Variants in PYGO1 observed in about 807,000 individuals in gnomAD.
PYGO1 encodes pygopus family PHD finger 1.
PYGO1 carries 6 observed loss-of-function variants against 29.5 expected under a neutral mutation model. The ratio of observed to expected loss-of-function variants is 0.20; its 90% CI spans 0.11 to 0.40. The LOEUF is 0.40. Ranked by LOEUF, PYGO1 falls within the 10% of genes least tolerant of loss-of-function variation. The pLI, the probability that PYGO1 is intolerant of heterozygous loss-of-function variation, is 1.00. For synonymous variants in PYGO1, 186 were observed against 180.5 expected (o/e 1.03, Z -0.24); for missense variants, 515 against 514.9 (o/e 1.00, Z 0.00).
rs2058831849 is a variant in PYGO1 at position 55,542,472 on chromosome 15, G to A, written c.*3551C>T. 2 of 152,170 alleles carry A rather than the reference G, an allele frequency of 1.3e-5. No individual in the cohort carries two copies. Among genetic ancestry groups the A allele is most frequent in the Admixed American group, 1.3e-4 (2 of 15,278 alleles). The allele number at this position is 152,170 out of a possible 1,614,324, so 9.4% of individuals were successfully genotyped here. A position where few individuals can be genotyped will look rare whatever the true frequency, so the allele number is the denominator to read the frequency against. ...GTATTTCACACAAAAGGAAAACACT[G>A]ATCACAAATCTAATTCTAAGCACTC... On this transcript the variant is annotated 3_prime_UTR_variant, in exon 3 of 3. Coordinates refer to ENST00000563719, the MANE Select transcript of PYGO1 (RefSeq NM_001367806.1).
At chr15:55,548,044 G>T (rs1487669315) in intron 2 of PYGO1, among the ~76,000 whole-genome samples, 1 of 151,844 alleles carries the variant, frequency 6.6e-6, no homozygotes, top group Non-Finnish European at 1.5e-5. Context: ...TTTTGAGACA[G>T]AGTCTCACGC....
At chr15:55,549,490 C>T (rs974742556) in intron 1 of PYGO1, among the ~76,000 whole-genome samples, 17 of 152,118 alleles carry the variant, frequency 1.1e-4, no homozygotes, top group African/African-American at 3.9e-4. Flanking sequence ...TACAGTGTGA[C>T]TACACCATGA....
At chr15:55,574,168 T>G (rs564461702) in intron 1 of PYGO1, among the ~76,000 whole-genome samples, 1 of 152,328 alleles carries the variant, frequency 6.6e-6, no homozygotes, top group South Asian at 2.1e-4. Flanking sequence ...AAGATACTAT[T>G]TTTTACTGTG....
At chr15:55,575,304 A>G (rs1179604422) in intron 1 of PYGO1, among the ~76,000 whole-genome samples, 1 of 152,206 alleles carries the variant, frequency 6.6e-6, no homozygotes, top group African/African-American at 2.4e-5. Flanking sequence ...AATCCCCCTC[A>G]GGTAATACAG....
intron 1 of PYGO1, among the ~76,000 whole-genome samples, chr15:55,580,669 T>C (rs2059021432): frequency 6.6e-6 from 1 of 152,200 alleles, no homozygotes; most frequent in Admixed American, 6.5e-5. Context: ...ATAAAAACCT[T>C]GGCAGTCAGG....
chr15:55,549,093 T>C (rs1164491390), intron 1 of PYGO1, 98 bp from the exon 2 acceptor site: 27 of 918,480 alleles, frequency 2.9e-5, no homozygotes, highest in Non-Finnish European at 3.8e-5. Context: ...TAATGTTTTC[T>C]ATTTTCGTTA....
At chr15:55,580,135 C>G (rs530969161) in intron 1 of PYGO1, among the ~76,000 whole-genome samples, 3 of 152,186 alleles carry the variant, frequency 2.0e-5, no homozygotes, top group African/African-American at 7.2e-5. Context: ...CTTTCATGAA[C>G]GAAGTCAGGC....
rs1412946465 is a variant in PYGO1, at chr15:55,542,338, T to C, written c.*3685A>G. Reference sequence around the variant, plus strand: ...AGTCTAAAACAAACCACCAAAAAAGTAGATTTCTTTACACTGTGTTTATGA... The same window carrying C: ...AGTCTAAAACAAACCACCAAAAAAGCAGATTTCTTTACACTGTGTTTATGA... On this transcript the variant is annotated 3_prime_UTR_variant, in exon 3 of 3. Transcript: ENST00000563719. The C allele has an allele frequency of 6.6e-6, 1 of 152,204 alleles. No individual in the cohort carries two copies. Among genetic ancestry groups the C allele is most frequent in the Non-Finnish European group, 1.5e-5 (1 of 68,016 alleles). 9.4% of individuals were successfully genotyped at this position (152,204 alleles called of 1,614,324 possible). A position where few individuals can be genotyped will look rare whatever the true frequency, so the allele number is the denominator to read the frequency against.
rs1402192129 is a variant in PYGO1 at position 55,544,063 on chromosome 15, T to C, written c.*1960A>G. 6.6e-6 allele frequency: 1 copy of C among 152,170 alleles called. No homozygotes were observed. The highest frequency in any genetic ancestry group is 1.9e-4 in the East Asian group (1 of 5,188). The allele number at this position is 152,170 out of a possible 1,614,324, so 9.4% of individuals were successfully genotyped here. A position where few individuals can be genotyped will look rare whatever the true frequency, so the allele number is the denominator to read the frequency against. ...TAGAAGTATAGTTTATATCATTTTG[T>C]TTCCTAAAATTGTAAAGATAAATAT... On this transcript the variant is annotated 3_prime_UTR_variant, in exon 3 of 3. Coordinates refer to ENST00000563719, the MANE Select transcript of PYGO1 (RefSeq NM_001367806.1).
In PYGO1 at chr15:55,588,216, T is replaced by C. The variant is rs2059058577; in HGVS notation, c.-333A>G. On this transcript the variant is annotated 5_prime_UTR_variant, in exon 1 of 3. Transcript: ENST00000563719. ...GCCGCCGCCGCCTCCTCCCACTCCTTCTTCTTCGCCGCCGCCTCAGGAGCC... is the reference window on the plus strand; with the variant it reads ...GCCGCCGCCGCCTCCTCCCACTCCTCCTTCTTCGCCGCCGCCTCAGGAGCC... 4.9e-6 allele frequency: 1 copy of C among 202,594 alleles called. No individual in the cohort carries two copies. Among genetic ancestry groups the C allele is most frequent in the Non-Finnish European group, 8.6e-6 (1 of 116,884 alleles). The allele number at this position is 202,594 out of a possible 1,614,324, so 12.5% of individuals were successfully genotyped here. A position where few individuals can be genotyped will look rare whatever the true frequency, so the allele number is the denominator to read the frequency against.
intron 2 of PYGO1, 63 bp downstream of exon 2, chr15:55,548,847 T>C: frequency 7.4e-7 from 1 of 1,356,784 alleles, no homozygotes; most frequent in Non-Finnish European, 1.0e-6. Flanking sequence ...AAGTTCAAAT[T>C]TACCTCATCA....
Position 55,547,166 on chromosome 15 carries a change from G to A in PYGO1, c.136-19C>T, listed in dbSNP as rs2058856218. ...AAGGTCCCTGAAATGAGAATGTAAA[G>A]TAAAATACATGTTTTCGATCAAATA... On this transcript the variant is annotated intron_variant, in intron 2 of 2. Coordinates refer to ENST00000563719, the MANE Select transcript of PYGO1 (RefSeq NM_001367806.1). 1.3e-6 allele frequency: 2 copies of A among 1,554,070 alleles called. No individual in the cohort carries two copies. The highest frequency in any genetic ancestry group is 8.7e-7 in the Non-Finnish European group (1 of 1,151,288).
In PYGO1 at chr15:55,552,361, CAAAAAAAA is replaced by C. The variant is rs56789656; in HGVS notation, c.50-3374_50-3367del. On this transcript the variant is annotated intron_variant, in intron 1 of 2. Transcript: ENST00000563719. ...GGGCAAAAGAGCGAGACTCTGTCTC[CAAAAAAAA>C]AAAAAAAAAAAAAAGGTAGGGGGAG... 6.0e-3 allele frequency among the ~76,000 whole-genome samples: 316 copies of C among 53,016 alleles called. 5 individuals carry two copies. The highest frequency in any genetic ancestry group is 0.017 in the African/African-American group (304 of 17,478). The allele number at this position is 53,016 out of a possible 152,430, so 34.8% of individuals were successfully genotyped here. A position where few individuals can be genotyped will look rare whatever the true frequency, so the allele number is the denominator to read the frequency against.
intron 1 of PYGO1, among the ~76,000 whole-genome samples, chr15:55,567,226 T>TTTTTTA (rs2058960882): frequency 7.2e-6 from 1 of 138,376 alleles, no homozygotes; most frequent in Non-Finnish European, 1.5e-5. Flanking sequence ...TTTTTTTTTT[T>TTTTTTA]GAGACAGGGT....
At position 55,543,503 on chromosome 15, in the gene PYGO1, T is replaced by C. The variant is rs1465426552; in HGVS notation, c.*2520A>G. The C allele has an allele frequency of 6.6e-6, 1 of 152,190 alleles. No homozygotes were observed. Among genetic ancestry groups the C allele is most frequent in the African/African-American group, 2.4e-5 (1 of 41,460 alleles). 9.4% of individuals were successfully genotyped at this position (152,190 alleles called of 1,614,324 possible). ...AAGGTGCTTTGAAGACCTAAACACC[T>C]GAATAAAAATTCACCTGTTTGTAGG... On this transcript the variant is annotated 3_prime_UTR_variant, in exon 3 of 3. Coordinates refer to ENST00000563719, the MANE Select transcript of PYGO1 (RefSeq NM_001367806.1).
intron 1 of PYGO1, among the ~76,000 whole-genome samples, chr15:55,554,779 T>G (rs947792839): frequency 6.6e-6 from 1 of 152,012 alleles, no homozygotes; most frequent in Non-Finnish European, 1.5e-5. Context: ...TCTCAGAGCT[T>G]GAAGATAATC....
At chr15:55,548,543 T>C (rs374075742) in intron 2 of PYGO1, among the ~76,000 whole-genome samples, 2 of 150,818 alleles carry the variant, frequency 1.3e-5, no homozygotes, top group South Asian at 4.2e-4. Context: ...CCGTCTCTAC[T>C]AAAAATACAA....
intron 1 of PYGO1, among the ~76,000 whole-genome samples, chr15:55,572,452 T>G (rs1362031662): frequency 6.6e-6 from 1 of 152,180 alleles, no homozygotes; most frequent in African/African-American, 2.4e-5. Context: ...GTAAAACTCC[T>G]GGAAGAAAAG....
Position 55,543,435 on chromosome 15 carries a change from C to T in PYGO1, c.*2588G>A, listed in dbSNP as rs1168919411. On this transcript the variant is annotated 3_prime_UTR_variant, in exon 3 of 3. Coordinates refer to ENST00000563719, the MANE Select transcript of PYGO1 (RefSeq NM_001367806.1). ...GGCTATGATTCACTATCAGAATGAA[C>T]CGTGAGTTTTTCTTTTGAATATTTA... 1.3e-5 allele frequency: 2 copies of T among 152,098 alleles called. No individual in the cohort carries two copies. The highest frequency in any genetic ancestry group is 1.3e-4 in the Admixed American group (2 of 15,270). 9.4% of individuals were successfully genotyped at this position (152,098 alleles called of 1,614,324 possible).
Sources: gnomAD v4.1 joint callset for allele counts (sites outside exome capture counted in the v4.1 genomes callset) on GRCh38, gnomAD v4.1.1 for gene constraint, MANE v1.5 for transcripts, NCBI Gene and HGNC (gene_info 2026-07-23, HGNC 2026-07-21) for gene names.